The following RAB11FIP3 variants were observed in gnomAD, a reference collection of about 807,000 sequenced individuals.
The protein encoded by RAB11FIP3 is RAB11 family interacting protein 3, also known as rab11 family-interacting protein 3.
RAB11FIP3 carries 17 observed loss-of-function variants against 77.8 expected under a neutral mutation model. The ratio of observed to expected loss-of-function variants is 0.22; its 90% confidence interval spans 0.15 to 0.33. The LOEUF (loss-of-function observed/expected upper bound fraction) is 0.33. RAB11FIP3 is among the 10% of genes least tolerant of loss of function. RAB11FIP3 has a pLI of 1.00. For synonymous variants in RAB11FIP3, 437 were observed against 448.2 expected, an observed-to-expected ratio of 0.98 and a Z score of 0.31; for missense variants, 1,005 against 1,011.2, an observed-to-expected ratio of 0.99 and a Z score of 0.08.
At chr16:438,978 C>T (rs1032742155) in intron 1 of RAB11FIP3, among the ~76,000 whole-genome samples, 2 of 152,214 alleles carry the variant, frequency 1.3e-5, no homozygotes, top group East Asian at 1.9e-4. Flanking sequence ...TGAACCGCCG[C>T]GCCCGGCTAA....
chr16:517,178 C>T (rs536368035), intron 9 of RAB11FIP3, among the ~76,000 whole-genome samples: 1 of 152,188 alleles, frequency 6.6e-6, no homozygotes, highest in Non-Finnish European at 1.5e-5. Context: ...ACGTGGGGGA[C>T]GCTCTACAGA....
chr16:481,324 A>G (rs1352473477), intron 3 of RAB11FIP3, among the ~76,000 whole-genome samples: 1 of 151,788 alleles, frequency 6.6e-6, no homozygotes, highest in Non-Finnish European at 1.5e-5. Context: ...CAGCCTGGCC[A>G]ACATGGTGAA....
intron 6 of RAB11FIP3, among the ~76,000 whole-genome samples, chr16:499,037 C>G (rs1304891605): frequency 6.6e-6 from 1 of 151,936 alleles, no homozygotes; most frequent in African/African-American, 2.4e-5. Flanking sequence ...ATGGAGAAAC[C>G]CCATCTCTAC....
At position 426,302 on chromosome 16, in the gene RAB11FIP3, A is replaced by C; in HGVS notation, c.296A>C (p.Gln99Pro). 1 of 1,275,532 alleles carries C rather than the reference A, an allele frequency of 7.8e-7. No homozygotes were observed. The highest frequency in any genetic ancestry group is 9.9e-7 in the Non-Finnish European group (1 of 1,014,090). The allele number at this position is 1,275,532 out of a possible 1,614,324, so 79.0% of individuals were successfully genotyped here. ...CCGCCGCGCTCCGGCCCGCGGGGGCAGCTTGCGAGCCCCGACGCCCCGGGC... is the reference window on the plus strand; with the variant it reads ...CCGCCGCGCTCCGGCCCGCGGGGGCCGCTTGCGAGCCCCGACGCCCCGGGC... ...APPPRSGPRG[Q>P]LASPDAPGPG... Residue 99 changes from glutamine (Q) to proline (P), a missense_variant, in exon 1 of 14, where the codon CAG (glutamine) becomes CCG (proline). By Grantham distance (76) the Gln-to-Pro change is moderately conservative. Around this residue, in one of 4 missense-constraint regions of RAB11FIP3, gnomAD observed 466 missense variants for 408.3 expected, o/e 1.14. Coordinates refer to ENST00000262305, the MANE Select transcript of RAB11FIP3 (RefSeq NM_014700.4). This position sits in a 1 kb window ranked among gnomAD's most constrained non-coding sequence, Gnocchi z 5.0.
At chr16:508,365 G>A (rs935865711) in intron 8 of RAB11FIP3, among the ~76,000 whole-genome samples, 7 of 151,194 alleles carry the variant, frequency 4.6e-5, no homozygotes, top group East Asian at 1.9e-4. Context: ...CCTTTATTTC[G>A]TTTTGTTTTG....
rs756278197 is a variant in RAB11FIP3 at position 471,625 on chromosome 16, C to T, written c.903+236C>T. On this transcript the variant is annotated intron_variant, in intron 3 of 13. Transcript: ENST00000262305. This position sits in a 1 kb window ranked among gnomAD's most constrained non-coding sequence, Gnocchi z 4.4. ...ATCCTCCCCCAGGGCCTGTCGCCAG[C>T]AGAAGTGGGGTGGGCAGTGATGTCA... Among the ~76,000 whole-genome samples the T allele has an allele frequency of 3.9e-5, 6 of 152,202 alleles. No homozygotes were observed. Among genetic ancestry groups the T allele is most frequent in the Non-Finnish European group, 8.8e-5 (6 of 68,034 alleles).
At chr16:503,995 C>CTACCTCCTGTACCCCCT (rs2031680046) in intron 7 of RAB11FIP3, among the ~76,000 whole-genome samples, 1 of 76,978 alleles carries the variant, frequency 1.3e-5, no homozygotes, top group Non-Finnish European at 2.6e-5. Context: ...TACCCCCTCA[C>CTACCTCCTGTACCCCCT]CACCTCCTGT....
chr16:519,764 A>G lies in RAB11FIP3; in HGVS notation c.1733A>G (p.Lys578Arg). 1 of 1,612,722 alleles carries G rather than the reference A, an allele frequency of 6.2e-7. No homozygotes were observed. Among genetic ancestry groups the G allele is most frequent in the Non-Finnish European group, 8.5e-7 (1 of 1,179,662 alleles). The change falls in exon 11 of 14, where the codon AAG becomes AGG. Residue 578 changes from lysine to arginine, a missense_variant. Transcript: ENST00000262305. ...TGTCCACCCCTGCAGGAGAAGCAGA[A>G]GCTGTTGGATGAGATAGAGTCGCTG... Reference protein sequence around the residue: ...NIERLEEEKQKLLDEIESLTL... With the variant: ...NIERLEEEKQRLLDEIESLTL...
In RAB11FIP3 at chr16:449,090, C is replaced by T. The variant is rs143427581; in HGVS notation, c.715-12314C>T. Among the ~76,000 whole-genome samples the T allele has an allele frequency of 1.6e-3, 245 of 152,258 alleles. 3 individuals are homozygous for T. Among genetic ancestry groups the T allele is most frequent in the African/African-American group, 5.3e-3 (221 of 41,548 alleles). The stretch of plus-strand genomic sequence containing the variant: ...ACCACACTCTACACAGTAGAGTCCT[C>T]CTCATGCTATGCTCTGGCCCTCTTG... On this transcript the variant is annotated intron_variant, in intron 1 of 13. Transcript: ENST00000262305.
chr16:485,133 C>T (rs1000533849), intron 4 of RAB11FIP3, among the ~76,000 whole-genome samples: 4 of 152,040 alleles, frequency 2.6e-5, no homozygotes, highest in Non-Finnish European at 5.9e-5. Flanking sequence ...TTGCAGGCCA[C>T]GCAGCCCCCG....
chr16:459,724 A>G (rs1216773741), intron 1 of RAB11FIP3, among the ~76,000 whole-genome samples: 3 of 152,086 alleles, frequency 2.0e-5, no homozygotes, highest in African/African-American at 4.8e-5. Context: ...GTGAGCCACA[A>G]GGCACCTGGC....
At position 488,240 on chromosome 16, in the gene RAB11FIP3, C is replaced by T. The variant is rs376889241; in HGVS notation, c.1116-611C>T. ...CTAAAAATACAAAAAATTAGCCGGGCGTGGTGGCGGGCGCCTGTAGTCCCA... is the reference window on the plus strand; with the variant it reads ...CTAAAAATACAAAAAATTAGCCGGGTGTGGTGGCGGGCGCCTGTAGTCCCA... On this transcript the variant is annotated intron_variant, in intron 4 of 13. Transcript: ENST00000262305. Among the ~76,000 whole-genome samples the T allele has an allele frequency of 8.2e-4, 125 of 152,130 alleles. 1 individual carries two copies. Among genetic ancestry groups the T allele is most frequent in the South Asian group, 6.4e-3 (31 of 4,810 alleles).
intron 3 of RAB11FIP3, among the ~76,000 whole-genome samples, chr16:473,704 T>G (rs1048033448): frequency 1.7e-4 from 26 of 152,180 alleles, no homozygotes; most frequent in Admixed American, 2.0e-4. Flanking sequence ...CCTCCTAAAG[T>G]GCTGGTATTA....
chr16:452,921 A>AT (rs2055432909), intron 1 of RAB11FIP3, among the ~76,000 whole-genome samples: 1 of 60,496 alleles, frequency 1.7e-5, no homozygotes, highest in Non-Finnish European at 3.2e-5. Flanking sequence ...CGCCCGGCTA[A>AT]TTTTTTGTAT....
intron 2 of RAB11FIP3, among the ~76,000 whole-genome samples, chr16:464,713 T>C (rs559499724): frequency 7.9e-5 from 12 of 152,230 alleles, no homozygotes; most frequent in African/African-American, 2.4e-5. Flanking sequence ...CTGGGCAACA[T>C]AGTGAGACCT....
intron 4 of RAB11FIP3, among the ~76,000 whole-genome samples, chr16:485,320 C>A (rs1026584140): frequency 3.3e-5 from 5 of 152,148 alleles, no homozygotes; most frequent in African/African-American, 9.7e-5. Flanking sequence ...TTATAGGAGT[C>A]CTTTCGATAT....
At chr16:492,985 C>A (rs1209739256) in intron 5 of RAB11FIP3, among the ~76,000 whole-genome samples, 1 of 152,104 alleles carries the variant, frequency 6.6e-6, no homozygotes, top group African/African-American at 2.4e-5. Flanking sequence ...CAGTGACTCA[C>A]GCCTGTAATC....
At chr16:520,701 C>T (rs1423232100) in intron 13 of RAB11FIP3, 25 bp from the exon 14 acceptor site, 3 of 1,613,178 alleles carry the variant, frequency 1.9e-6, no homozygotes, top group African/African-American at 2.7e-5. Context: ...TGCGCCTCAG[C>T]TCTGACCACC....
intron 3 of RAB11FIP3, among the ~76,000 whole-genome samples, chr16:475,416 G>A (rs2055884389): frequency 6.6e-6 from 1 of 152,248 alleles, no homozygotes; most frequent in African/African-American, 2.4e-5. Context: ...GGTCCTGGCT[G>A]GCTGGCAAAT....
Sources: allele counts gnomAD v4.1 joint callset (sites outside exome capture counted in the v4.1 genomes callset), GRCh38; gene constraint gnomAD v4.1.1; regional missense constraint gnomAD v4.1.1; non-coding constraint Gnocchi (gnomAD v3.1); transcripts MANE v1.5; gene names NCBI Gene and HGNC (gene_info 2026-07-23, HGNC 2026-07-21).